Variants in FRAS1 observed in about 807,000 individuals in gnomAD.
The protein encoded by FRAS1 is extracellular matrix organizing protein FRAS1.
FRAS1 carries 290 observed loss-of-function variants against 435.2 expected under a neutral mutation model. The ratio of observed to expected loss-of-function variants is 0.67; its 90% confidence interval spans 0.61 to 0.73. The LOEUF (loss-of-function observed/expected upper bound fraction) is 0.73. Ranked by LOEUF, FRAS1 falls within the 30% of genes least tolerant of loss-of-function variation. FRAS1 has a pLI of 0.00. For synonymous variants in FRAS1, 1,800 were observed against 1,851.0 expected, an observed-to-expected ratio of 0.97 and a Z score of 0.71; for missense variants, 4,860 against 5,001.5, an observed-to-expected ratio of 0.97 and a Z score of 0.85.
intron 32 of FRAS1, among the ~76,000 whole-genome samples, chr4:78,418,242 A>G (rs1447490150): frequency 3.3e-5 from 5 of 152,228 alleles, no homozygotes; most frequent in African/African-American, 1.2e-4. Flanking sequence ...AATACTGGCT[A>G]TTGTATGTGC....
intron 2 of FRAS1, among the ~76,000 whole-genome samples, chr4:78,114,080 T>C (rs1472887274): frequency 6.6e-6 from 1 of 152,202 alleles, no homozygotes; most frequent in African/African-American, 2.4e-5. Context: ...ATTTATTAAA[T>C]AGGGAATTCT....
At chr4:78,520,414 AT>A (rs1721351931) in intron 67 of FRAS1, among the ~76,000 whole-genome samples, 1 of 151,402 alleles carries the variant, frequency 6.6e-6, no homozygotes, top group Non-Finnish European at 1.5e-5. Context: ...ACTAAAAAAA[AT>A]ACAAGAGTTT....
At position 78,456,411 on chromosome 4, in the gene FRAS1, GTGTTTA is replaced by G. The variant is rs1719203514; in HGVS notation, c.6763+4058_6763+4063del. Among the ~76,000 whole-genome samples, 12 of 152,270 alleles carry G rather than the reference GTGTTTA, an allele frequency of 7.9e-5. No homozygotes were observed. In the South Asian group the frequency reaches 2.5e-3, roughly 32 times the overall value. ...GCCTGCTTTGGCATCCGAAAGTGCT[GTGTTTA>G]CAGGCATGAGCCATGTACCAGGCCT... On this transcript the variant is annotated intron_variant, in intron 47 of 73. Transcript: ENST00000512123.
At chr4:78,344,879 A>G (rs1442389128) in intron 20 of FRAS1, among the ~76,000 whole-genome samples, 1 of 152,198 alleles carries the variant, frequency 6.6e-6, no homozygotes, top group African/African-American at 2.4e-5. Context: ...ATCTTTTCCA[A>G]TACATACATA....
chr4:78,448,858 G>A (rs1288088319), intron 44 of FRAS1, among the ~76,000 whole-genome samples: 1 of 152,202 alleles, frequency 6.6e-6, no homozygotes, highest in South Asian at 2.1e-4. Context: ...CCTGTGACAA[G>A]TGTGAGTCTT....
chr4:78,244,890 C>A (rs955735808), intron 3 of FRAS1, among the ~76,000 whole-genome samples: 4 of 152,204 alleles, frequency 2.6e-5, no homozygotes, highest in East Asian at 3.9e-4. Context: ...GGCCATCCCC[C>A]ACCTGAGTCT....
chr4:78,176,469 G>A (rs985086921), intron 2 of FRAS1, among the ~76,000 whole-genome samples: 2 of 152,290 alleles, frequency 1.3e-5, no homozygotes, highest in South Asian at 4.1e-4. Context: ...TTCACCAGTT[G>A]TTCTGATTTT....
chr4:78,246,748 A>G (rs1318029438), intron 4 of FRAS1, among the ~76,000 whole-genome samples: 3 of 33,798 alleles, frequency 8.9e-5, no homozygotes, highest in East Asian at 5.0e-4. Flanking sequence ...GATCTGGGGG[A>G]AAAAAAAAAC....
At chr4:78,473,393 C>G in intron 52 of FRAS1, 45 bp from the exon 53 acceptor site, 1 of 1,539,850 alleles carries the variant, frequency 6.5e-7, no homozygotes, top group Non-Finnish European at 8.9e-7. Context: ...ATGAAGCTGT[C>G]GTTACATCCC....
At chr4:78,168,636 T>C (rs1237005411) in intron 2 of FRAS1, among the ~76,000 whole-genome samples, 1 of 152,026 alleles carries the variant, frequency 6.6e-6, no homozygotes, top group Non-Finnish European at 1.5e-5. Context: ...AGTTTTCTAG[T>C]GGGGATAATT....
intron 2 of FRAS1, among the ~76,000 whole-genome samples, chr4:78,170,391 G>A (rs1468859037): frequency 6.6e-6 from 1 of 152,110 alleles, no homozygotes; most frequent in Non-Finnish European, 1.5e-5. Context: ...TCCTCTGTAA[G>A]CACATATAAT....
chr4:78,486,889 A>T (rs1720187366), intron 58 of FRAS1, among the ~76,000 whole-genome samples: 1 of 150,206 alleles, frequency 6.7e-6, no homozygotes, highest in South Asian at 2.1e-4. Flanking sequence ...TGTCTTGTTA[A>T]AGAGGGAAAA....
chr4:78,422,639 T>C (rs1486477135), intron 34 of FRAS1, among the ~76,000 whole-genome samples: 1 of 152,142 alleles, frequency 6.6e-6, no homozygotes, highest in Non-Finnish European at 1.5e-5. Flanking sequence ...ATGCATCTGG[T>C]GGGAGAGACA....
At chr4:78,435,333 A>T (rs540969244) in intron 38 of FRAS1, among the ~76,000 whole-genome samples, 1 of 152,218 alleles carries the variant, frequency 6.6e-6, no homozygotes, top group Non-Finnish European at 1.5e-5. Context: ...GGGCAAGGGG[A>T]TTTACCTTAC....
At chr4:78,537,313 A>G (rs1654152371) in intron 72 of FRAS1, 113 bp downstream of exon 72, 2 of 1,005,716 alleles carry the variant, frequency 2.0e-6, no homozygotes, top group Admixed American at 2.8e-5. Flanking sequence ...TCTTCTCTAT[A>G]TATGTTTGTG....
rs1237308362 is a variant in FRAS1 at position 78,525,076 on chromosome 4, A to G, written c.10809-1465A>G. On this transcript the variant is annotated intron_variant, in intron 69 of 73. Transcript: ENST00000512123. Reference sequence around the variant, plus strand: ...GCATGGAGTGAGCAGGGAAGAGAGTAGTAGACAATAATGCTGAAGAAGTAA... The same window carrying G: ...GCATGGAGTGAGCAGGGAAGAGAGTGGTAGACAATAATGCTGAAGAAGTAA... Among the ~76,000 whole-genome samples, 4 of 152,282 alleles carry G rather than the reference A, an allele frequency of 2.6e-5. No individual in the cohort carries two copies. In the East Asian group the frequency reaches 5.8e-4, roughly 22 times the overall value.
chr4:78,513,903 T>A (rs552312334), intron 65 of FRAS1, among the ~76,000 whole-genome samples: 66 of 152,362 alleles, frequency 4.3e-4, no homozygotes, highest in African/African-American at 1.5e-3. Flanking sequence ...TATATTTTAG[T>A]GTCTTCATTC....
At position 78,534,719 on chromosome 4, in the gene FRAS1, C is replaced by T. The variant is rs180949851; in HGVS notation, c.11092+104C>T. On this transcript the variant is annotated intron_variant, in intron 71 of 73. Coordinates refer to ENST00000512123, the MANE Select transcript of FRAS1 (RefSeq NM_025074.7). ...TCTGCTCATATGCTCTCAGTCACCA[C>T]CCCAGTAAAGATCCCCCAGGGTTGG... The T allele has an allele frequency of 1.1e-5, 12 of 1,063,474 alleles. No individual in the cohort carries two copies. The African/African-American group carries it at 1.4e-4, about 13-fold the overall frequency. 65.9% of individuals were successfully genotyped at this position (1,063,474 alleles called of 1,614,324 possible).
At chr4:78,167,056 C>T (rs548504237) in intron 2 of FRAS1, among the ~76,000 whole-genome samples, 36 of 152,278 alleles carry the variant, frequency 2.4e-4, no homozygotes, top group Non-Finnish European at 4.7e-4. Context: ...TAGCCCATTG[C>T]GTAGTGCATT....
Sources: allele counts gnomAD v4.1 joint callset (sites outside exome capture counted in the v4.1 genomes callset), GRCh38; gene constraint gnomAD v4.1.1; transcripts MANE v1.5; gene names NCBI Gene and HGNC (gene_info 2026-07-23, HGNC 2026-07-21).